AGBL1: variants seen among roughly 807,000 people sequenced by gnomAD.
AGBL1 encodes cytosolic carboxypeptidase 4.
Under a neutral mutation model 118.9 loss-of-function variants are expected in AGBL1, and 130 were observed. The observed-to-expected ratio is 1.09, with a 90% confidence interval of 0.95 to 1.26. The LOEUF (loss-of-function observed/expected upper bound fraction) is 1.26, where lower values mean the gene tolerates loss of function less well. Ranked by LOEUF, AGBL1 falls within the 50% of genes most tolerant of loss-of-function variation. The pLI, the probability that AGBL1 is intolerant of heterozygous loss-of-function variation, is 0.00. For synonymous variants in AGBL1, 555 were observed against 478.9 expected (o/e 1.16, Z -2.08); for missense variants, 1,584 against 1,298.1 (o/e 1.22, Z -3.38).
chr15:86,397,590 C>T lies in AGBL1; in HGVS notation c.2555+44C>T, dbSNP rs749176153. On this transcript the variant is annotated intron_variant, in intron 18 of 22. Coordinates refer to ENST00000614907, the MANE Select transcript of AGBL1 (RefSeq NM_001386094.1). ...TCAGCCAAACCCACAATTATGCTAC[C>T]ACAGTGACACTGTCATTTCACCAAG... 20 of 1,529,702 alleles carry T rather than the reference C, an allele frequency of 1.3e-5. No homozygotes were observed. In the South Asian group the frequency reaches 2.4e-4, roughly 18 times the overall value. The allele number at this position is 1,529,702 out of a possible 1,614,324, so 94.8% of individuals were successfully genotyped here.
At chr15:86,801,394 A>T (rs951174139) in intron 22 of AGBL1, among the ~76,000 whole-genome samples, 2 of 151,872 alleles carry the variant, frequency 1.3e-5, no homozygotes, top group African/African-American at 2.4e-5. Flanking sequence ...AAACTTACTC[A>T]TCCCATTCTC....
intron 5 of AGBL1, among the ~76,000 whole-genome samples, chr15:86,191,937 C>T (rs2077729230): frequency 6.7e-6 from 1 of 150,026 alleles, no homozygotes; most frequent in African/African-American, 2.5e-5. Context: ...CCAAAAAACA[C>T]AAAAAACACA....
Position 86,684,463 on chromosome 15 carries a change from C to CTTT in AGBL1, c.3158+10036_3158+10038dup, listed in dbSNP as rs11436174. Among the ~76,000 whole-genome samples, 386 of 146,056 alleles carry CTTT rather than the reference C, an allele frequency of 2.6e-3. 3 individuals carry two copies. Among genetic ancestry groups the CTTT allele is most frequent in the African/African-American group, 8.4e-3 (333 of 39,780 alleles). ...TAGTTAGTACCTAGCATAGTTCTCTCTTTTTTTTTTTCTTTTTTCTCTTCT... is the reference window on the plus strand; with the variant it reads ...TAGTTAGTACCTAGCATAGTTCTCTCTTTTTTTTTTTTTTCTTTTTTCTCTTCT... On this transcript the variant is annotated intron_variant, in intron 22 of 22. Transcript: ENST00000614907.
chr15:86,252,232 C>A (rs7166230), intron 7 of AGBL1, among the ~76,000 whole-genome samples: 4,638 of 152,258 alleles, frequency 0.03, 253 homozygotes, highest in African/African-American at 0.11. Context: ...GCTCAGAAAG[C>A]ACAGTAGGCC....
At chr15:86,771,455 T>C (rs879793723) in intron 22 of AGBL1, among the ~76,000 whole-genome samples, 4 of 152,036 alleles carry the variant, frequency 2.6e-5, no homozygotes, top group Admixed American at 6.6e-5. Context: ...CAAGAGCTAG[T>C]TTTGAATGAC....
chr15:86,099,758 C>T (rs1431446812), intron 1 of AGBL1, among the ~76,000 whole-genome samples: 5 of 152,082 alleles, frequency 3.3e-5, no homozygotes, highest in Non-Finnish European at 1.5e-5. Flanking sequence ...GATCTGCCTG[C>T]CTTGGCTTCC....
rs1206267371 is a variant in AGBL1, at chr15:86,270,017, A to G, written c.1937A>G (p.Tyr646Cys). The G allele has an allele frequency of 6.2e-7, 1 of 1,613,218 alleles. No individual in the cohort carries two copies. Among genetic ancestry groups the G allele is most frequent in the Non-Finnish European group, 8.5e-7 (1 of 1,179,660 alleles). ...AGCGGTATGCAGGCGGCCATCCCTT[A>G]CCACTTCAACATCATCAACTGTGAG... Reference protein sequence around the residue: ...KVSGMQAAIPYHFNIINCEKP... With the variant: ...KVSGMQAAIPCHFNIINCEKP... The change falls in exon 14 of 23, where the codon TAC becomes TGC. Residue 646 changes from tyrosine (Y) to cysteine (C), a missense_variant. By Grantham distance (194) the Tyr-to-Cys change is radical. Coordinates refer to ENST00000614907, the MANE Select transcript of AGBL1 (RefSeq NM_001386094.1).
chr15:86,557,615 C>A (rs895490147), intron 21 of AGBL1, among the ~76,000 whole-genome samples: 1 of 152,186 alleles, frequency 6.6e-6, no homozygotes, highest in African/African-American at 2.4e-5. Flanking sequence ...CTTTCTACCA[C>A]CCACAAGGGC....
chr15:86,647,487 G>A (rs2085301609), intron 21 of AGBL1, among the ~76,000 whole-genome samples: 1 of 152,170 alleles, frequency 6.6e-6, no homozygotes, highest in Non-Finnish European at 1.5e-5. Context: ...GATCACCTGA[G>A]GTCAGGAGTT....
chr15:86,811,692 A>C (rs2078792719), intron 22 of AGBL1, among the ~76,000 whole-genome samples: 2 of 152,174 alleles, frequency 1.3e-5, no homozygotes, highest in African/African-American at 4.8e-5. Context: ...TTGGAACTCA[A>C]ACAGTCCCAA....
intron 22 of AGBL1, among the ~76,000 whole-genome samples, chr15:86,832,709 C>T (rs1167157801): frequency 6.6e-6 from 1 of 152,196 alleles, no homozygotes; most frequent in African/African-American, 2.4e-5. Flanking sequence ...CAACAAAGGT[C>T]TAGGAAGTTT....
intron 17 of AGBL1, among the ~76,000 whole-genome samples, chr15:86,311,480 C>T (rs1357870532): frequency 6.6e-6 from 1 of 152,098 alleles, no homozygotes; most frequent in African/African-American, 2.4e-5. Flanking sequence ...AAAGAATACG[C>T]TTTCTTTTAT....
intron 22 of AGBL1, among the ~76,000 whole-genome samples, chr15:86,799,435 C>G (rs2078619705): frequency 6.6e-6 from 1 of 152,036 alleles, no homozygotes; most frequent in Non-Finnish European, 1.5e-5. Flanking sequence ...AGAGATGAAT[C>G]CAGACTAAGC....
At chr15:86,760,770 G>C (rs529010225) in intron 22 of AGBL1, among the ~76,000 whole-genome samples, 1 of 152,036 alleles carries the variant, frequency 6.6e-6, no homozygotes, top group Non-Finnish European at 1.5e-5. Context: ...AAGTGAGGAC[G>C]TTGGCTGGTT....
intron 21 of AGBL1, among the ~76,000 whole-genome samples, chr15:86,662,969 C>A (rs1242139568): frequency 6.6e-6 from 1 of 152,166 alleles, no homozygotes; most frequent in Non-Finnish European, 1.5e-5. Context: ...TTATCCCCAT[C>A]ATCTTCCAAG....
intron 22 of AGBL1, among the ~76,000 whole-genome samples, chr15:86,721,797 C>T (rs1226966852): frequency 5.9e-5 from 9 of 152,188 alleles, no homozygotes; most frequent in African/African-American, 2.2e-4. Flanking sequence ...TGATAGGCAA[C>T]TTCAGCAAAG....
At chr15:87,028,842 G>A in exon 25 of AGBL1, 2 of 1,605,428 alleles carry the variant, frequency 1.2e-6, no homozygotes, top group Non-Finnish European at 1.7e-6. Flanking sequence ...GACACTTGAT[G>A]AGGCTCCCTT....
At chr15:86,697,523 C>A (rs955489967) in intron 22 of AGBL1, among the ~76,000 whole-genome samples, 4 of 141,204 alleles carry the variant, frequency 2.8e-5, no homozygotes, top group African/African-American at 7.9e-5. Flanking sequence ...TTTTAATTTT[C>A]TTAAGTTGGA....
intron 18 of AGBL1, among the ~76,000 whole-genome samples, chr15:86,421,284 C>T (rs540752965): frequency 6.6e-6 from 1 of 152,220 alleles, no homozygotes; most frequent in Admixed American, 6.5e-5. Context: ...CCCTACAAGC[C>T]AGAAGAGAGT....
Sources: allele counts gnomAD v4.1 joint callset (sites outside exome capture counted in the v4.1 genomes callset), GRCh38; gene constraint gnomAD v4.1.1; transcripts MANE v1.5; gene names NCBI Gene and HGNC (gene_info 2026-07-23, HGNC 2026-07-21).